Variants in ICAM5 observed in about 807,000 individuals in gnomAD.
The protein encoded by ICAM5 is intercellular adhesion molecule 5, also known as ICAM-5.
A neutral mutation model predicts 78.8 loss-of-function variants in ICAM5; 38 were observed. That is an observed-to-expected ratio of 0.48 (90% CI 0.37 to 0.63). The LOEUF (loss-of-function observed/expected upper bound fraction) is 0.63. Ranked by LOEUF, ICAM5 falls within the 30% of genes least tolerant of loss-of-function variation. The pLI, the probability that ICAM5 is intolerant of heterozygous loss-of-function variation, is 0.00. For synonymous variants in ICAM5, 544 were observed against 590.9 expected (o/e 0.92, Z 1.15); for missense variants, 1,059 against 1,303.0 (o/e 0.81, Z 2.88).
rs375655248 is a variant in ICAM5 at position 10,291,584 on chromosome 19, C to A, written c.448C>A (p.Arg150Ser). Residue 150 changes from arginine to serine, a missense_variant, in exon 3 of 11, where the codon CGT (arginine) becomes AGT (serine). Around this residue, in one of 3 missense-constraint regions of ICAM5, gnomAD observed 815 missense variants for 952.8 expected, o/e 0.86. Transcript: ENST00000221980. ...CTGTAGGGTCCCCGGCGCCGGGCCC[C>A]GTGCGAGCCTCACGCTGACCCTGCT... The part of the protein sequence containing the change: ...LSCRVPGAGP[R>S]ASLTLTLLRG... 1.0e-4 allele frequency: 162 copies of A among 1,612,380 alleles called. No homozygotes were observed. The African/African-American group carries it at 1.9e-3, about 19-fold the overall frequency.
In ICAM5 at chr19:10,290,598, T is replaced by C; in HGVS notation, c.82+473T>C. The C allele has an allele frequency of 5.0e-6, 1 of 201,724 alleles. No homozygotes were observed. The allele number at this position is 201,724 out of a possible 1,614,324, so 12.5% of individuals were successfully genotyped here. The stretch of plus-strand genomic sequence containing the variant: ...CATGAGCCCAGCCTTGCGTCCCGGC[T>C]CCGTGTTCTTCACCGGGTGTAGGGT... On this transcript the variant is annotated intron_variant, in intron 1 of 10. Coordinates refer to ENST00000221980, the MANE Select transcript of ICAM5 (RefSeq NM_003259.4). The surrounding 1 kb of genome is among the most constrained non-coding windows in gnomAD (Gnocchi z 5.7).
At position 10,291,021 on chromosome 19, in the gene ICAM5, A is replaced by G. The variant is rs540436743; in HGVS notation, c.83-51A>G. On this transcript the variant is annotated intron_variant, in intron 1 of 10. Coordinates refer to ENST00000221980, the MANE Select transcript of ICAM5 (RefSeq NM_003259.4). Reference sequence around the variant, plus strand: ...ACCCTTGACTCGACATAGGGGCGCTAAGATGTCAGGGAGTTGGCTCCCCAG... The same window carrying G: ...ACCCTTGACTCGACATAGGGGCGCTGAGATGTCAGGGAGTTGGCTCCCCAG... The G allele has an allele frequency of 7.7e-6, 12 of 1,554,092 alleles. No individual in the cohort carries two copies. In the East Asian group the frequency reaches 2.6e-4, roughly 33 times the overall value.
chr19:10,293,180 A>T lies in ICAM5; in HGVS notation c.1399A>T (p.Thr467Ser). The T allele has an allele frequency of 6.2e-7, 1 of 1,610,836 alleles. No homozygotes were observed. Among genetic ancestry groups the T allele is most frequent in the Non-Finnish European group, 8.5e-7 (1 of 1,178,894 alleles). ...LGPVTRALSG[T>S]YRCKAANDQG... ...TCCAGTCACTCGGGCGCTCTCAGGC[A>T]CTTACCGCTGCAAGGCGGCCAATGA... Residue 467 changes from threonine to serine, a missense_variant, in exon 6 of 11, where the codon ACT becomes TCT. Around this residue, in one of 3 missense-constraint regions of ICAM5, gnomAD observed 815 missense variants for 952.8 expected, o/e 0.86. Transcript: ENST00000221980. This position sits in a 1 kb window ranked among gnomAD's most constrained non-coding sequence, Gnocchi z 5.0.
At chr19:10,291,878 A>G in intron 3 of ICAM5, 69 bp downstream of exon 3, 1 of 1,525,018 alleles carries the variant, frequency 6.6e-7, no homozygotes, top group Non-Finnish European at 9.0e-7. Flanking sequence ...TTAGAGGTAG[A>G]TACATCTGAA....
chr19:10,291,231 G>T lies in ICAM5; in HGVS notation c.242G>T (p.Arg81Leu). ...LRRNGTQRGL[R>L]WLARQLVDIR... Reference sequence around the variant, plus strand: ...CGAAACGGGACCCAGAGGGGTTTGCGTTGGTTGGCGCGGCAGCTGGTGGAC... The same window carrying T: ...CGAAACGGGACCCAGAGGGGTTTGCTTTGGTTGGCGCGGCAGCTGGTGGAC... Residue 81 changes from arginine (R) to leucine (L), a missense_variant, in exon 2 of 11, where the codon CGT becomes CTT. Physicochemically the swap from Arg to Leu is moderately radical, Grantham distance 102. This residue lies in a region of ICAM5 where 815 missense variants were observed against 952.8 expected (regional missense o/e 0.86). Transcript: ENST00000221980. 11 of 1,612,480 alleles carry T rather than the reference G, an allele frequency of 6.8e-6. No individual in the cohort carries two copies. The highest frequency in any genetic ancestry group is 9.3e-6 in the Non-Finnish European group (11 of 1,179,928).
intron 10 of ICAM5, 63 bp from the exon 11 acceptor site, chr19:10,296,275 CG>C (rs995725495): frequency 6.6e-6 from 8 of 1,219,854 alleles, no homozygotes; most frequent in East Asian, 3.2e-5. Context: ...TGTGGGAGTG[CG>C]GGGGGCGGTG....
Position 10,292,018 on chromosome 19 carries a change from G to C in ICAM5, c.674-17G>C, listed in dbSNP as rs751848482. 6.2e-7 allele frequency: 1 copy of C among 1,607,842 alleles called. No individual in the cohort carries two copies. The highest frequency in any genetic ancestry group is 1.3e-5 in the African/African-American group (1 of 74,960). On this transcript the variant is annotated splice_polypyrimidine_tract_variant and intron_variant, in intron 3 of 10. Coordinates refer to ENST00000221980, the MANE Select transcript of ICAM5 (RefSeq NM_003259.4). ...GAGCGCTCGGAGTTAGTTCAAACTT[G>C]GTTCTTCGACCCCTAGCCCTGTCTC...
intron 10 of ICAM5, 135 bp downstream of exon 10, chr19:10,295,747 A>G: frequency 9.5e-7 from 1 of 1,053,078 alleles, no homozygotes; most frequent in East Asian, 2.7e-5. Flanking sequence ...TAGAAGTCAA[A>G]GGTGCCTTAG....
chr19:10,291,979 G>C, intron 3 of ICAM5, 56 bp from the exon 4 acceptor site: 1 of 1,566,818 alleles, frequency 6.4e-7, no homozygotes, highest in Non-Finnish European at 8.7e-7. Context: ...CATGTCAAGT[G>C]CTTAGGACAT....
chr19:10,291,726 C>G lies in ICAM5; in HGVS notation c.590C>G (p.Ser197Trp). 6.2e-7 allele frequency: 1 copy of G among 1,612,836 alleles called. No homozygotes were observed. The highest frequency in any genetic ancestry group is 8.5e-7 in the Non-Finnish European group (1 of 1,179,998). Residue 197 changes from serine to tryptophan, a missense_variant, in exon 3 of 11, where the codon TCG (serine) becomes TGG (tryptophan). Ser to Trp is a radical substitution (Grantham distance 177). Around this residue, in one of 3 missense-constraint regions of ICAM5, gnomAD observed 815 missense variants for 952.8 expected, o/e 0.86. Transcript: ENST00000221980. ...AGGGAGGACCATGGAGCCAATTTCT[C>G]GTGTCGCGCCGAGCTGGACCTGCGG... ...ARREDHGANF[S>W]CRAELDLRPH...
In ICAM5 at chr19:10,293,751, G is replaced by A; in HGVS notation, c.1519G>A (p.Gly507Arg). The A allele has an allele frequency of 6.2e-7, 1 of 1,613,968 alleles. No individual in the cohort carries two copies. The part of the protein sequence containing the change: ...GCPERITWLE[G>R]TEASLSCVAH... ...CCCAGAACGCATTACTTGGCTGGAG[G>A]GAACAGAAGCCTCGCTGAGCTGTGT... Residue 507 changes from glycine (G) to arginine (R), a missense_variant, in exon 7 of 11, where the codon GGA becomes AGA. Gly to Arg is a moderately radical substitution (Grantham distance 125). Coordinates refer to ENST00000221980, the MANE Select transcript of ICAM5 (RefSeq NM_003259.4). This position sits in a 1 kb window ranked among gnomAD's most constrained non-coding sequence, Gnocchi z 5.0.
chr19:10,292,002 G>C, intron 3 of ICAM5, 33 bp from the exon 4 acceptor site: 2 of 1,601,724 alleles, frequency 1.2e-6, no homozygotes, highest in South Asian at 2.2e-5. Context: ...TGAGCGCTCG[G>C]AGTTAGTTCA....
chr19:10,290,004 T>C lies in ICAM5; in HGVS notation c.-40T>C, dbSNP rs2145025815. 6.6e-7 allele frequency: 1 copy of C among 1,519,204 alleles called. No individual in the cohort carries two copies. The highest frequency in any genetic ancestry group is 8.8e-7 in the Non-Finnish European group (1 of 1,133,642). 94.1% of individuals were successfully genotyped at this position (1,519,204 alleles called of 1,614,324 possible). A position where few individuals can be genotyped will look rare whatever the true frequency, so the allele number is the denominator to read the frequency against. On this transcript the variant is annotated 5_prime_UTR_variant, in exon 1 of 11. Transcript: ENST00000221980. The surrounding 1 kb of genome is among the most constrained non-coding windows in gnomAD (Gnocchi z 5.7). ...CCGTCCTCTAGCCCAGCTCCTCGGC[T>C]CGCGCTCTCCTCGCCTCCTGTGCTT...
rs1281582816 is a variant in ICAM5 at position 10,292,050 on chromosome 19, C to T, written c.689C>T (p.Ala230Val). 14 of 1,611,968 alleles carry T rather than the reference C, an allele frequency of 8.7e-6. No individual in the cohort carries two copies. Among genetic ancestry groups the T allele is most frequent in the Non-Finnish European group, 9.3e-6 (11 of 1,178,996 alleles). Residue 230 changes from alanine to valine, a missense_variant, in exon 4 of 11, where the codon GCC becomes GTC. By Grantham distance (64) the Ala-to-Val change is moderately conservative. Coordinates refer to ENST00000221980, the MANE Select transcript of ICAM5 (RefSeq NM_003259.4). ...CGACCCCTAGCCCTGTCTCCGGATG[C>T]CCCGCGCCTCGCTGCTCCCCGGCTC... ...ELRTFSLSPDAPRLAAPRLLE... is the reference protein window; with the variant it reads ...ELRTFSLSPDVPRLAAPRLLE...
chr19:10,295,619 G>A lies in ICAM5; in HGVS notation c.2497+7G>A. On this transcript the variant is annotated splice_region_variant and intron_variant, in intron 10 of 10. Transcript: ENST00000221980. Reference sequence around the variant, plus strand: ...ATCACGGTGCGCGTGGCCGGTAAGTGGCAGCTGGGGAGAGGCGGGGCGAGG... The same window carrying A: ...ATCACGGTGCGCGTGGCCGGTAAGTAGCAGCTGGGGAGAGGCGGGGCGAGG... 2 of 1,538,534 alleles carry A rather than the reference G, an allele frequency of 1.3e-6. No homozygotes were observed. Among genetic ancestry groups the A allele is most frequent in the Middle Eastern group, 1.7e-4 (1 of 5,970 alleles).
In ICAM5 at chr19:10,291,352, G is replaced by A; in HGVS notation, c.352+11G>A. 1 of 1,606,338 alleles carries A rather than the reference G, an allele frequency of 6.2e-7. No individual in the cohort carries two copies. Among genetic ancestry groups the A allele is most frequent in the Non-Finnish European group, 8.5e-7 (1 of 1,175,032 alleles). On this transcript the variant is annotated intron_variant, in intron 2 of 10. Coordinates refer to ENST00000221980, the MANE Select transcript of ICAM5 (RefSeq NM_003259.4). ...TCATTCGCACTTTCCGTGAGTTCTGGGTGGCCACGCGCGTACTCCACTACT... is the reference window on the plus strand; with the variant it reads ...TCATTCGCACTTTCCGTGAGTTCTGAGTGGCCACGCGCGTACTCCACTACT...
At position 10,293,709 on chromosome 19, in the gene ICAM5, C is replaced by A; in HGVS notation, c.1477C>A (p.Leu493Met). 1.9e-6 allele frequency: 3 copies of A among 1,613,772 alleles called. No homozygotes were observed. Among genetic ancestry groups the A allele is most frequent in the Non-Finnish European group, 2.5e-6 (3 of 1,179,978 alleles). ...ACTCCCTCCTCCAGACGCACCAGCG[C>A]TGGACAGCGTGGGCTGCCCAGAACG... ...VTLTVEYAPA[L>M]DSVGCPERIT... The change falls in exon 7 of 11, where the codon CTG becomes ATG. Residue 493 changes from leucine to methionine, a missense_variant. Leu to Met is a conservative substitution (Grantham distance 15). Coordinates refer to ENST00000221980, the MANE Select transcript of ICAM5 (RefSeq NM_003259.4). This position sits in a 1 kb window ranked among gnomAD's most constrained non-coding sequence, Gnocchi z 5.0.
Position 10,296,666 on chromosome 19 carries a change from G to T in ICAM5, c.*50G>T. 8.4e-7 allele frequency: 1 copy of T among 1,196,338 alleles called. No homozygotes were observed. The highest frequency in any genetic ancestry group is 1.0e-6 in the Non-Finnish European group (1 of 962,336). 74.1% of individuals were successfully genotyped at this position (1,196,338 alleles called of 1,614,324 possible). On this transcript the variant is annotated 3_prime_UTR_variant, in exon 11 of 11. Coordinates refer to ENST00000221980, the MANE Select transcript of ICAM5 (RefSeq NM_003259.4). ...CGGGGGACGCCCCCCAGACTCACAC[G>T]GGGGCTTATTTATTGCTTTATTTAT...
chr19:10,290,242 C>G lies in ICAM5; in HGVS notation c.82+117C>G. 2.8e-6 allele frequency: 2 copies of G among 707,352 alleles called. No homozygotes were observed. The highest frequency in any genetic ancestry group is 4.4e-6 in the Non-Finnish European group (2 of 453,696). The allele number at this position is 707,352 out of a possible 1,614,324, so 43.8% of individuals were successfully genotyped here. On this transcript the variant is annotated intron_variant, in intron 1 of 10. Coordinates refer to ENST00000221980, the MANE Select transcript of ICAM5 (RefSeq NM_003259.4). The surrounding 1 kb of genome is among the most constrained non-coding windows in gnomAD (Gnocchi z 5.7). Reference sequence around the variant, plus strand: ...CGCCTCGCTCCCACGCCTCTGCCCCCACCTCGAGCCTGAGTCTTCTCCCCT... The same window carrying G: ...CGCCTCGCTCCCACGCCTCTGCCCCGACCTCGAGCCTGAGTCTTCTCCCCT...
Sources: allele counts gnomAD v4.1 joint callset, GRCh38; gene constraint gnomAD v4.1.1; regional missense constraint gnomAD v4.1.1; non-coding constraint Gnocchi (gnomAD v3.1); transcripts MANE v1.5; gene names NCBI Gene and HGNC (gene_info 2026-07-23, HGNC 2026-07-21).